RRM2: variants seen among roughly 807,000 people sequenced by gnomAD.
The protein encoded by RRM2 is ribonucleoside-diphosphate reductase subunit M2.
A neutral mutation model predicts 45.9 loss-of-function variants in RRM2; 6 were observed. That is an observed-to-expected ratio of 0.13 (90% confidence interval 0.07 to 0.26). The LOEUF (loss-of-function observed/expected upper bound fraction) is 0.26. RRM2 is among the 10% of genes least tolerant of loss of function. RRM2 has a pLI of 1.00. For missense variants in RRM2, 343 were observed against 489.5 expected, an observed-to-expected ratio of 0.70 and a Z score of 2.82; for synonymous variants, 177 against 173.0, an observed-to-expected ratio of 1.02 and a Z score of -0.18.
intron 1 of RRM2, chr2:10,141,677 G>A (rs1056487837): frequency 3.6e-6 from 3 of 839,518 alleles, no homozygotes; most frequent in Non-Finnish European, 5.5e-6. Flanking sequence ...AGGCAGGAAG[G>A]AGGGCAAGAG....
rs371637768 is a variant in RRM2 at position 10,201,071 on chromosome 2, C to T, written n.483-9240C>T. 3.6e-4 allele frequency among the ~76,000 whole-genome samples: 55 copies of T among 151,762 alleles called. 1 individual carries two copies. The highest frequency in any genetic ancestry group is 1.3e-3 in the African/African-American group (53 of 41,364). On this transcript the variant is annotated intron_variant and non_coding_transcript_variant, in intron 3 of 3. Coordinates refer to the RRM2 transcript ENST00000381786. ...GCTGAGGCAGGGAGAATTGCTTGAA[C>T]CTGGGAGGTGGAGGTTGCAGTGAGC... is the stretch of plus-strand genomic sequence containing the variant.
At position 10,129,403 on chromosome 2, in the gene RRM2, C is replaced by T; in HGVS notation, c.*17C>T. On this transcript the variant is annotated 3_prime_UTR_variant, in exon 10 of 10. Coordinates refer to ENST00000304567, the MANE Select transcript of RRM2 (RefSeq NM_001034.4). This position sits in a 1 kb window ranked among gnomAD's most constrained non-coding sequence, Gnocchi z 4.8. The stretch of plus-strand genomic sequence containing the variant: ...GACTTCTAAATGAACTGAAGATGTG[C>T]CCTTACTTGGCTGATTTTTTTTTTC... The T allele has an allele frequency of 6.3e-7, 1 of 1,583,280 alleles. No homozygotes were observed. Among genetic ancestry groups the T allele is most frequent in the Non-Finnish European group, 8.6e-7 (1 of 1,169,436 alleles).
chr2:10,142,178 T>G, intron 2 of RRM2: 2 of 1,560,850 alleles, frequency 1.3e-6, no homozygotes. Context: ...GGGTGGGAGA[T>G]GGGGCTGGGT....
chr2:10,124,627 G>C, intron 4 of RRM2, 90 bp from the exon 5 acceptor site: 1 of 1,394,512 alleles, frequency 7.2e-7, no homozygotes, highest in Non-Finnish European at 1.0e-6. Context: ...ACCTTATAAT[G>C]GTACAAAGAG....
At chr2:10,128,010 C>CA (rs1205297779) in intron 7 of RRM2, among the ~76,000 whole-genome samples, 2 of 151,688 alleles carry the variant, frequency 1.3e-5, no homozygotes, top group African/African-American at 4.8e-5. Context: ...ACTAAAAATA[C>CA]AAAAAATTAG....
In RRM2 at chr2:10,129,718, C is replaced by T. The variant is rs1662858092; in HGVS notation, c.*332C>T. The T allele has an allele frequency of 8.2e-6, 2 of 243,612 alleles. No homozygotes were observed. Among genetic ancestry groups the T allele is most frequent in the Non-Finnish European group, 1.6e-5 (2 of 127,242 alleles). The allele number at this position is 243,612 out of a possible 1,614,324, so 15.1% of individuals were successfully genotyped here. On this transcript the variant is annotated 3_prime_UTR_variant, in exon 10 of 10. Transcript: ENST00000304567. This position sits in a 1 kb window ranked among gnomAD's most constrained non-coding sequence, Gnocchi z 4.8. ...CACAGCCAGTTAAAAGATGCAGCCT[C>T]ACTGCTTCAACGCAGATTTTAATGT...
chr2:10,162,330 G>T (rs1278308410), intron 3 of RRM2, among the ~76,000 whole-genome samples: 1 of 152,212 alleles, frequency 6.6e-6, no homozygotes, highest in South Asian at 2.1e-4. Context: ...TTGGGATGCG[G>T]CGTCTCGATG....
intron 3 of RRM2, among the ~76,000 whole-genome samples, chr2:10,198,173 AC>A (rs1664454014): frequency 6.6e-6 from 1 of 151,970 alleles, no homozygotes; most frequent in Admixed American, 6.5e-5. Context: ...GGGGAGCCCC[AC>A]CCATGGGGTG....
At position 10,122,978 on chromosome 2, in the gene RRM2, C is replaced by A. The variant is rs774043368; in HGVS notation, c.100-5C>A. 4 of 1,551,056 alleles carry A rather than the reference C, an allele frequency of 2.6e-6. No individual in the cohort carries two copies. The highest frequency in any genetic ancestry group is 4.7e-5 in the East Asian group (2 of 42,420). On this transcript the variant is annotated splice_region_variant and splice_polypyrimidine_tract_variant and intron_variant, in intron 1 of 9. Transcript: ENST00000304567. ...CGCTCCTCACTCACACGCGTCTCCC[C>A]GCAGCCGCCGGCCCTGAGCGGGACC...
intron 3 of RRM2, among the ~76,000 whole-genome samples, chr2:10,193,806 A>T (rs1572529788): frequency 6.6e-6 from 1 of 152,126 alleles, no homozygotes; most frequent in Non-Finnish European, 1.5e-5. Context: ...CACCCTGGGG[A>T]TGGGGCTGGG....
At chr2:10,135,305 AGT>A (rs1254701269), downstream of RRM2, among the ~76,000 whole-genome samples, 3 of 152,324 alleles carry the variant, frequency 2.0e-5, no homozygotes, top group East Asian at 5.8e-4. Context: ...CCTGAGCAAC[AGT>A]GAGACCGAAC....
chr2:10,203,222 TTC>T (rs1183433579), intron 3 of RRM2, among the ~76,000 whole-genome samples: 7 of 152,242 alleles, frequency 4.6e-5, no homozygotes, highest in Non-Finnish European at 2.9e-5. Context: ...TACTAGCTTA[TTC>T]TCTCACTCAT....
chr2:10,192,867 C>G (rs1356261819), intron 3 of RRM2, among the ~76,000 whole-genome samples: 1 of 152,236 alleles, frequency 6.6e-6, no homozygotes, highest in Non-Finnish European at 1.5e-5. Flanking sequence ...GATGACCCCT[C>G]TCCAGAGCCA....
intron 3 of RRM2, among the ~76,000 whole-genome samples, chr2:10,151,534 G>T (rs982306681): frequency 6.6e-6 from 1 of 151,966 alleles, no homozygotes; most frequent in African/African-American, 2.4e-5. Context: ...TCCTGACCTC[G>T]TGATCTGCTT....
chr2:10,141,995 G>A (rs1348604721), intron 2 of RRM2: 1 of 1,570,358 alleles, frequency 6.4e-7, no homozygotes, highest in African/African-American at 1.4e-5. Flanking sequence ...AAGGAAAGCA[G>A]GGAGGAAGGG....
rs981847648 is a variant in RRM2 at position 10,198,020 on chromosome 2, G to A, written n.483-12291G>A. On this transcript the variant is annotated intron_variant and non_coding_transcript_variant, in intron 3 of 3. Transcript: ENST00000381786. The stretch of plus-strand genomic sequence containing the variant: ...CGCTCCTAAGCACGTCCGCTCTGTC[G>A]TTGTAGGTGTAGAACTCAACAATCA... Among the ~76,000 whole-genome samples the A allele has an allele frequency of 2.6e-5, 4 of 152,162 alleles. No homozygotes were observed. In the East Asian group the frequency reaches 7.7e-4, roughly 29 times the overall value.
chr2:10,164,886 T>G (rs1337730438), intron 3 of RRM2, among the ~76,000 whole-genome samples: 1 of 152,242 alleles, frequency 6.6e-6, no homozygotes, highest in Non-Finnish European at 1.5e-5. Flanking sequence ...TGCCACTGGC[T>G]GCCATCACCG....
chr2:10,195,255 C>A lies in RRM2; in HGVS notation n.483-15056C>A, dbSNP rs1487906984. On this transcript the variant is annotated intron_variant and non_coding_transcript_variant, in intron 3 of 3. Transcript: ENST00000381786. This position sits in a 1 kb window ranked among gnomAD's most constrained non-coding sequence, Gnocchi z 4.9. ...CAGAATGGGAAGAGAGGCAGTGAGGCAGCCTCTCTGCAGAGGAGGGGCTTC... is the reference window on the plus strand; with the variant it reads ...CAGAATGGGAAGAGAGGCAGTGAGGAAGCCTCTCTGCAGAGGAGGGGCTTC... Among the ~76,000 whole-genome samples, 2 of 152,168 alleles carry A rather than the reference C, an allele frequency of 1.3e-5. No homozygotes were observed.
intron 3 of RRM2, among the ~76,000 whole-genome samples, chr2:10,177,712 TCC>T (rs1663952303): frequency 2.1e-5 from 3 of 145,556 alleles, no homozygotes; most frequent in Non-Finnish European, 3.0e-5. Context: ...CCTTCCTCTC[TCC>T]CTCCCTCCCT....
Sources: gnomAD v4.1 joint callset for allele counts (sites outside exome capture counted in the v4.1 genomes callset) on GRCh38, gnomAD v4.1.1 for gene constraint, Gnocchi (gnomAD v3.1) non-coding constraint, MANE v1.5 for transcripts, NCBI Gene and HGNC (gene_info 2026-07-23, HGNC 2026-07-21) for gene names.